The following PPP1R9A variants were observed in gnomAD, a reference collection of about 807,000 sequenced individuals.
The protein encoded by PPP1R9A is protein phosphatase 1 regulatory subunit 9A, also known as neurabin-1.
PPP1R9A carries 59 observed loss-of-function variants against 141.9 expected under a neutral mutation model. The ratio of observed to expected loss-of-function variants is 0.42; its 90% CI spans 0.34 to 0.52. The LOEUF is 0.52. PPP1R9A is among the 20% of genes least tolerant of loss of function. The pLI, the probability that PPP1R9A is intolerant of heterozygous loss-of-function variation, is 0.10. For synonymous variants in PPP1R9A, 500 were observed against 569.7 expected, an observed-to-expected ratio of 0.88 and a Z score of 1.74; for missense variants, 1,444 against 1,611.9, an observed-to-expected ratio of 0.90 and a Z score of 1.78.
At chr7:94,957,806 A>G (rs1037983152) in intron 2 of PPP1R9A, among the ~76,000 whole-genome samples, 19 of 152,226 alleles carry the variant, frequency 1.2e-4, no homozygotes, top group African/African-American at 4.6e-4. Flanking sequence ...TGTAGGAACG[A>G]CAGGAATAGT....
At chr7:94,929,508 C>A (rs971713592) in intron 2 of PPP1R9A, among the ~76,000 whole-genome samples, 1 of 152,128 alleles carries the variant, frequency 6.6e-6, no homozygotes, top group Non-Finnish European at 1.5e-5. Context: ...TTTTGCAGAT[C>A]TCAGAGTATG....
chr7:94,959,547 TTTAA>T, intron 2 of PPP1R9A, among the ~76,000 whole-genome samples: 1 of 151,822 alleles, frequency 6.6e-6, no homozygotes, highest in East Asian at 1.9e-4. Context: ...ATATTTGATT[TTTAA>T]TTACTTTTCT....
chr7:95,104,586 T>C (rs1247318763), intron 2 of PPP1R9A, among the ~76,000 whole-genome samples: 1 of 152,214 alleles, frequency 6.6e-6, no homozygotes, highest in Non-Finnish European at 1.5e-5. Flanking sequence ...AATTGTCTGA[T>C]GATTATAAAC....
At chr7:94,922,133 AT>A (rs909349816) in intron 2 of PPP1R9A, among the ~76,000 whole-genome samples, 23 of 149,880 alleles carry the variant, frequency 1.5e-4, no homozygotes, top group African/African-American at 5.3e-4. Context: ...TTATATTTAA[AT>A]TAATTAAAAA....
intron 2 of PPP1R9A, among the ~76,000 whole-genome samples, chr7:94,965,842 T>C (rs950171492): frequency 5.3e-5 from 8 of 152,184 alleles, no homozygotes; most frequent in Admixed American, 3.9e-4. Context: ...GTAGTTTTTT[T>C]CTAATTCTGT....
At chr7:95,238,284 T>C (rs1796981833) in intron 8 of PPP1R9A, among the ~76,000 whole-genome samples, 1 of 152,150 alleles carries the variant, frequency 6.6e-6, no homozygotes, top group Non-Finnish European at 1.5e-5. Flanking sequence ...TTCACTATTA[T>C]CTCTGGTGCT....
At chr7:95,030,606 G>A (rs1488199513) in intron 2 of PPP1R9A, among the ~76,000 whole-genome samples, 2 of 152,032 alleles carry the variant, frequency 1.3e-5, no homozygotes, top group African/African-American at 4.8e-5. Flanking sequence ...TCCTGTCCAA[G>A]TGTTAGCTCT....
At chr7:95,129,410 C>T (rs1363221016) in intron 4 of PPP1R9A, among the ~76,000 whole-genome samples, 2 of 152,212 alleles carry the variant, frequency 1.3e-5, no homozygotes, top group Admixed American at 6.5e-5. Flanking sequence ...CTGCCATGAA[C>T]GTGAGGCCTC....
Position 95,291,367 on chromosome 7 carries a change from T to C in PPP1R9A, c.*1064T>C, listed in dbSNP as rs772163142. The stretch of plus-strand genomic sequence containing the variant: ...AATGTACTTTTAAGAAAAATAGAAA[T>C]ACCAGTTAGAGGAAACTGTCAGTTA... On this transcript the variant is annotated 3_prime_UTR_variant, in exon 20 of 20. Transcript: ENST00000433360. The C allele has an allele frequency of 1.3e-5, 2 of 152,188 alleles. No homozygotes were observed. The highest frequency in any genetic ancestry group is 4.8e-5 in the African/African-American group (2 of 41,448). 9.4% of individuals were successfully genotyped at this position (152,188 alleles called of 1,614,324 possible).
At position 94,936,659 on chromosome 7, in the gene PPP1R9A, T is replaced by G. The variant is rs1358201809; in HGVS notation, c.1395+25151T>G. Among the ~76,000 whole-genome samples the G allele has an allele frequency of 1.8e-4, 27 of 148,164 alleles. No homozygotes were observed. In the Middle Eastern group the frequency reaches 0.014, roughly 76 times the overall value. ...TGGGGAGACTGTGTAGGGGTGTGTG[T>G]GTGTGTGTGTGTGTGTGTGTGTGTT... On this transcript the variant is annotated intron_variant, in intron 2 of 19. Transcript: ENST00000433360.
At chr7:95,013,726 G>T (rs1023616390) in intron 2 of PPP1R9A, among the ~76,000 whole-genome samples, 5 of 152,018 alleles carry the variant, frequency 3.3e-5, no homozygotes, top group Non-Finnish European at 2.9e-5. Context: ...TGCTACCAGT[G>T]CAAAAAGAAA....
chr7:95,134,709 A>G (rs1236031800), intron 4 of PPP1R9A, among the ~76,000 whole-genome samples: 4 of 152,154 alleles, frequency 2.6e-5, no homozygotes, highest in Admixed American at 2.0e-4. Flanking sequence ...TGTTGGGATT[A>G]CAGGCATGAG....
intron 7 of PPP1R9A, among the ~76,000 whole-genome samples, chr7:95,207,888 T>C (rs1172880465): frequency 6.6e-6 from 1 of 152,100 alleles, no homozygotes; most frequent in Non-Finnish European, 1.5e-5. Flanking sequence ...ACATAAATGA[T>C]AGGGAAGAGC....
intron 2 of PPP1R9A, among the ~76,000 whole-genome samples, chr7:95,060,519 A>T (rs1014703273): frequency 6.6e-6 from 1 of 152,200 alleles, no homozygotes; most frequent in Non-Finnish European, 1.5e-5. Context: ...AGGGTCTTTT[A>T]TGAGTAGGAC....
intron 2 of PPP1R9A, among the ~76,000 whole-genome samples, chr7:95,044,571 G>GTTTTTTTTTTTTTTTTT: frequency 7.0e-6 from 1 of 141,850 alleles, no homozygotes; most frequent in African/African-American, 2.6e-5. Flanking sequence ...TTTTGAGACA[G>GTTTTTTTTTTTTTTTTT]TCTTGCTCTG....
intron 2 of PPP1R9A, among the ~76,000 whole-genome samples, chr7:94,986,106 A>G (rs1800797369): frequency 6.6e-6 from 1 of 152,128 alleles, no homozygotes; most frequent in African/African-American, 2.4e-5. Flanking sequence ...GTTTTGGTGA[A>G]TAATATGTTA....
chr7:95,215,331 A>G (rs879618184), intron 7 of PPP1R9A, among the ~76,000 whole-genome samples: 1 of 152,012 alleles, frequency 6.6e-6, no homozygotes, highest in Non-Finnish European at 1.5e-5. Context: ...ATAGTATTCC[A>G]TGGTGTATAT....
intron 8 of PPP1R9A, among the ~76,000 whole-genome samples, chr7:95,242,668 A>G (rs1369235208): frequency 1.3e-5 from 2 of 152,158 alleles, no homozygotes; most frequent in Non-Finnish European, 2.9e-5. Context: ...AGGAATGTGT[A>G]TGTTTATTTG....
At chr7:95,028,278 T>C (rs534649455) in intron 2 of PPP1R9A, among the ~76,000 whole-genome samples, 1 of 152,236 alleles carries the variant, frequency 6.6e-6, no homozygotes, top group African/African-American at 2.4e-5. Context: ...TAATGCAAAG[T>C]TGGACAAACA....
Sources: gnomAD v4.1 joint callset for allele counts (sites outside exome capture counted in the v4.1 genomes callset) on GRCh38, gnomAD v4.1.1 for gene constraint, MANE v1.5 for transcripts, NCBI Gene and HGNC (gene_info 2026-07-23, HGNC 2026-07-21) for gene names.